CPSF2: variants seen among roughly 807,000 people sequenced by gnomAD.
CPSF2 encodes cleavage and polyadenylation specificity factor subunit 2.
In CPSF2, 51 loss-of-function variants were observed where a neutral mutation model predicts 84.2. The ratio of observed to expected loss-of-function variants is 0.61; its 90% CI spans 0.48 to 0.77. The LOEUF (loss-of-function observed/expected upper bound fraction) is 0.77, where lower values mean the gene tolerates loss of function less well. Ranked by LOEUF, CPSF2 falls within the 30% of genes least tolerant of loss-of-function variation. The pLI is 0.00. For synonymous variants in CPSF2, 286 were observed against 311.9 expected, an observed-to-expected ratio of 0.92 and a Z score of 0.87; for missense variants, 641 against 929.4, an observed-to-expected ratio of 0.69 and a Z score of 4.03.
chr14:92,157,798 C>G lies in CPSF2; in HGVS notation c.1735C>G (p.Arg579Gly). ...EASQDLAECC[R>G]AFGGKDIKVY... ...CAGTCAAGATCTGGCAGAGTGCTGT[C>G]GCGCCTTTGGTGGGAAAGATATTAA... The change falls in exon 13 of 16, where the codon CGC (arginine) becomes GGC (glycine). Residue 579 changes from arginine to glycine, a missense_variant. Arg to Gly is a moderately radical substitution (Grantham distance 125). Around this residue, in one of 2 missense-constraint regions of CPSF2, gnomAD observed 430 missense variants for 553.6 expected, o/e 0.78. Coordinates refer to ENST00000298875, the MANE Select transcript of CPSF2 (RefSeq NM_017437.3). The surrounding 1 kb of genome is among the most constrained non-coding windows in gnomAD (Gnocchi z 4.0). 1.9e-6 allele frequency: 3 copies of G among 1,614,094 alleles called. No homozygotes were observed. The highest frequency in any genetic ancestry group is 2.5e-6 in the Non-Finnish European group (3 of 1,179,974).
At position 92,166,816 on chromosome 14, in the gene CPSF2, G is replaced by A. The variant is rs1426182526; in HGVS notation, c.*5072G>A. The stretch of plus-strand genomic sequence containing the variant: ...CCATGAGTGTATGGGTTTGTTCCTG[G>A]ACTTGAAATTATGTTTCATTGATCT... On this transcript the variant is annotated 3_prime_UTR_variant, in exon 16 of 16. Coordinates refer to ENST00000298875, the MANE Select transcript of CPSF2 (RefSeq NM_017437.3). 1 of 151,928 alleles carries A rather than the reference G, an allele frequency of 6.6e-6. No homozygotes were observed. The highest frequency in any genetic ancestry group is 1.5e-5 in the Non-Finnish European group (1 of 68,000). 9.4% of individuals were successfully genotyped at this position (151,928 alleles called of 1,614,324 possible). A position where few individuals can be genotyped will look rare whatever the true frequency, so the allele number is the denominator to read the frequency against.
intron 7 of CPSF2, among the ~76,000 whole-genome samples, chr14:92,139,341 CGGAA>C (rs2069043128): frequency 6.6e-6 from 1 of 151,448 alleles, no homozygotes; most frequent in Non-Finnish European, 1.5e-5. Flanking sequence ...GGCGTAAACC[CGGAA>C]GGCGGAGCTT....
rs1217973469 is a variant in CPSF2, at chr14:92,171,330, C to T, written c.*9586C>T. On this transcript the variant is annotated 3_prime_UTR_variant, in exon 16 of 16. Coordinates refer to ENST00000298875, the MANE Select transcript of CPSF2 (RefSeq NM_017437.3). ...TTGTAGAAACGGGGTCTCTTCTTCC[C>T]CATTTATTCAATATTTATATCAGTA... The T allele has an allele frequency of 6.6e-6, 1 of 152,060 alleles. No individual in the cohort carries two copies. Among genetic ancestry groups the T allele is most frequent in the Non-Finnish European group, 1.5e-5 (1 of 68,016 alleles). 9.4% of individuals were successfully genotyped at this position (152,060 alleles called of 1,614,324 possible). A position where few individuals can be genotyped will look rare whatever the true frequency, so the allele number is the denominator to read the frequency against.
In CPSF2 at chr14:92,167,413, T is replaced by C. The variant is rs2069463173; in HGVS notation, c.*5669T>C. The C allele has an allele frequency of 1.3e-5, 2 of 152,208 alleles. No individual in the cohort carries two copies. The highest frequency in any genetic ancestry group is 4.8e-5 in the African/African-American group (2 of 41,452). 9.4% of individuals were successfully genotyped at this position (152,208 alleles called of 1,614,324 possible). ...ACTTAGAGTCTTTTAATGTTAGTGC[T>C]GAAAGGGACTAGAGAGCTCATCTAA... On this transcript the variant is annotated 3_prime_UTR_variant, in exon 16 of 16. Coordinates refer to ENST00000298875, the MANE Select transcript of CPSF2 (RefSeq NM_017437.3).
At chr14:92,155,989 A>G (rs2141479462) in intron 11 of CPSF2, among the ~76,000 whole-genome samples, 1 of 152,050 alleles carries the variant, frequency 6.6e-6, no homozygotes, top group South Asian at 2.1e-4. Flanking sequence ...GGAAAATAAA[A>G]AAAGAAAAAC....
At position 92,126,139 on chromosome 14, in the gene CPSF2, C is replaced by A. The variant is rs1319235499; in HGVS notation, c.-76C>A. 6.6e-6 allele frequency: 1 copy of A among 152,176 alleles called. No individual in the cohort carries two copies. The highest frequency in any genetic ancestry group is 6.5e-5 in the Admixed American group (1 of 15,272). 9.4% of individuals were successfully genotyped at this position (152,176 alleles called of 1,614,324 possible). On this transcript the variant is annotated 5_prime_UTR_variant, in exon 2 of 16. Coordinates refer to ENST00000298875, the MANE Select transcript of CPSF2 (RefSeq NM_017437.3). The stretch of plus-strand genomic sequence containing the variant: ...TTTTTTAGATTAATAAAGAACTCTT[C>A]AGAATTCCTGGTGTTTCATCATATA...
At chr14:92,140,421 G>A (rs887768646) in intron 7 of CPSF2, among the ~76,000 whole-genome samples, 2 of 148,286 alleles carry the variant, frequency 1.3e-5, no homozygotes, top group African/African-American at 5.0e-5. Flanking sequence ...GTAACATAGT[G>A]AGACCCCCAT....
chr14:92,161,005 A>G, intron 14 of CPSF2, 107 bp from the exon 15 acceptor site: 2 of 1,060,286 alleles, frequency 1.9e-6, no homozygotes, highest in Non-Finnish European at 2.7e-6. Flanking sequence ...ACTTCAGGGA[A>G]TAATAGAAAA....
chr14:92,156,902 A>G (rs1264418433), intron 12 of CPSF2, among the ~76,000 whole-genome samples: 1 of 152,112 alleles, frequency 6.6e-6, no homozygotes, highest in Non-Finnish European at 1.5e-5. Flanking sequence ...TATGAAGAAA[A>G]ATTATTTTTG....
At chr14:92,129,974 C>G (rs1205082927) in intron 2 of CPSF2, among the ~76,000 whole-genome samples, 1 of 152,094 alleles carries the variant, frequency 6.6e-6, no homozygotes, top group African/African-American at 2.4e-5. Context: ...TCTCAAACTC[C>G]TGAACTCTAG....
rs753565803 is a variant in CPSF2 at position 92,155,154 on chromosome 14, A to G, written c.1273A>G (p.Ile425Val). The G allele has an allele frequency of 6.2e-7, 1 of 1,613,842 alleles. No homozygotes were observed. The highest frequency in any genetic ancestry group is 8.5e-7 in the Non-Finnish European group (1 of 1,179,778). Residue 425 changes from isoleucine to valine, a missense_variant, in exon 11 of 16, where the codon ATT (isoleucine) becomes GTT (valine). Ile to Val is a conservative substitution (Grantham distance 29, BLOSUM62 3). Around this residue, in one of 2 missense-constraint regions of CPSF2, gnomAD observed 430 missense variants for 553.6 expected, o/e 0.78. Transcript: ENST00000298875. Reference sequence around the variant, plus strand: ...TATAGATTCCAGTGATGAGAGTGATATTGAGGAAGATATTGACCAGCCATC... The same window carrying G: ...TATAGATTCCAGTGATGAGAGTGATGTTGAGGAAGATATTGACCAGCCATC... ...ADIDSSDESDIEEDIDQPSAH... is the reference protein window; with the variant it reads ...ADIDSSDESDVEEDIDQPSAH...
chr14:92,128,638 CAG>C (rs2068873537), intron 2 of CPSF2, among the ~76,000 whole-genome samples: 2 of 152,084 alleles, frequency 1.3e-5, no homozygotes, highest in African/African-American at 4.8e-5. Flanking sequence ...ATAATGTTAA[CAG>C]ATCATGAATT....
intron 1 of CPSF2, 187 bp downstream of exon 1, chr14:92,122,315 C>T (rs956324433): frequency 1.0e-5 from 2 of 199,594 alleles, no homozygotes; most frequent in Admixed American, 1.1e-4. Flanking sequence ...GTGACTTCTC[C>T]ATGGGTTTCA....
At chr14:92,124,110 G>A (rs2068815427) in intron 1 of CPSF2, among the ~76,000 whole-genome samples, 1 of 152,196 alleles carries the variant, frequency 6.6e-6, no homozygotes, top group Non-Finnish European at 1.5e-5. Flanking sequence ...TAGGGAGAGT[G>A]GGATAATCAA....
At chr14:92,155,920 G>A (rs1261482024) in intron 11 of CPSF2, among the ~76,000 whole-genome samples, 3 of 152,086 alleles carry the variant, frequency 2.0e-5, no homozygotes, top group Non-Finnish European at 4.4e-5. Context: ...CTGACTATTA[G>A]AAAAACAACT....
intron 10 of CPSF2, among the ~76,000 whole-genome samples, chr14:92,154,743 A>C (rs1269024919): frequency 6.6e-6 from 1 of 152,216 alleles, no homozygotes; most frequent in Non-Finnish European, 1.5e-5. Flanking sequence ...TAGGGGATTT[A>C]GTCATTGTGC....
At chr14:92,151,846 G>A (rs1327196362) in intron 9 of CPSF2, among the ~76,000 whole-genome samples, 1 of 152,044 alleles carries the variant, frequency 6.6e-6, no homozygotes, top group Non-Finnish European at 1.5e-5. Context: ...AGACCAGCTT[G>A]GGCAGCATGT....
At position 92,160,151 on chromosome 14, in the gene CPSF2, C is replaced by T. The variant is rs548375741; in HGVS notation, c.2121+869C>T. ...CTAGTTTTTGTACTTTTAGTAGAAA[C>T]GGGGTTTTGCCATGTTGGCCAGGCT... On this transcript the variant is annotated intron_variant, in intron 14 of 15. Transcript: ENST00000298875. 3.3e-5 allele frequency among the ~76,000 whole-genome samples: 5 copies of T among 152,108 alleles called. No homozygotes were observed. The South Asian group carries it at 6.2e-4, about 19-fold the overall frequency.
rs1236674376 is a variant in CPSF2 at position 92,171,849 on chromosome 14, T to C, written c.*10105T>C. 1 of 152,242 alleles carries C rather than the reference T, an allele frequency of 6.6e-6. No homozygotes were observed. The highest frequency in any genetic ancestry group is 1.5e-5 in the Non-Finnish European group (1 of 68,044). The allele number at this position is 152,242 out of a possible 1,614,324, so 9.4% of individuals were successfully genotyped here. ...TCTTCTCCACCCTATATTTAAAAAC[T>C]GGACTTCCAGAGTCTCCAATACATT... On this transcript the variant is annotated 3_prime_UTR_variant, in exon 16 of 16. Transcript: ENST00000298875.
Sources: gnomAD v4.1 joint callset for allele counts (sites outside exome capture counted in the v4.1 genomes callset) on GRCh38, gnomAD v4.1.1 for gene constraint, gnomAD v4.1.1 regional missense constraint, Gnocchi (gnomAD v3.1) non-coding constraint, MANE v1.5 for transcripts, NCBI Gene and HGNC (gene_info 2026-07-23, HGNC 2026-07-21) for gene names.